MAP3K7: variants seen among roughly 807,000 people sequenced by gnomAD.
MAP3K7 encodes TGF-beta activated kinase 1.
Under a neutral mutation model 84.8 loss-of-function variants are expected in MAP3K7, and 21 were observed. That is an observed-to-expected ratio of 0.25 (90% CI 0.18 to 0.36). The LOEUF is 0.36. Among genes scored for constraint, MAP3K7 ranks in the 10% least tolerant of loss-of-function variants. The pLI, the probability that MAP3K7 is intolerant of heterozygous loss-of-function variation, is 1.00. For synonymous variants in MAP3K7, 241 were observed against 247.7 expected, an observed-to-expected ratio of 0.97 and a Z score of 0.25; for missense variants, 503 against 747.7, an observed-to-expected ratio of 0.67 and a Z score of 3.82.
chr6:90,533,759 T>C (rs957303346), intron 13 of MAP3K7, among the ~76,000 whole-genome samples: 1 of 152,172 alleles, frequency 6.6e-6, no homozygotes, highest in African/African-American at 2.4e-5. Flanking sequence ...AGTAACATGC[T>C]CTAGCTGTGA....
At chr6:90,533,149 A>G (rs1775560197) in intron 13 of MAP3K7, among the ~76,000 whole-genome samples, 1 of 152,222 alleles carries the variant, frequency 6.6e-6, no homozygotes, top group South Asian at 2.1e-4. Flanking sequence ...AATGTATACT[A>G]AGAGCCTATC....
chr6:90,585,053 T>A (rs1777397796), intron 1 of MAP3K7, among the ~76,000 whole-genome samples: 1 of 152,194 alleles, frequency 6.6e-6, no homozygotes, highest in Non-Finnish European at 1.5e-5. Flanking sequence ...TTTCCTAATA[T>A]GTGTCAGGCC....
In MAP3K7 at chr6:90,540,760, C is replaced by T. The variant is rs533951560; in HGVS notation, c.1291+3792G>A. Among the ~76,000 whole-genome samples the T allele has an allele frequency of 3.3e-5, 5 of 152,050 alleles. No homozygotes were observed. The South Asian group carries it at 8.3e-4, about 25-fold the overall frequency. On this transcript the variant is annotated intron_variant, in intron 12 of 16. Coordinates refer to ENST00000369329, the MANE Select transcript of MAP3K7 (RefSeq NM_145331.3). ...GATGCTACAAGCATGAAAAATAATT[C>T]GCTTTCTTAACTACTTATTCTCTTA...
At position 90,585,348 on chromosome 6, in the gene MAP3K7, C is replaced by T. The variant is rs528095060; in HGVS notation, c.120+1416G>A. On this transcript the variant is annotated intron_variant, in intron 1 of 16. Coordinates refer to ENST00000369329, the MANE Select transcript of MAP3K7 (RefSeq NM_145331.3). Reference sequence around the variant, plus strand: ...ATATATAATTCAGTAATCCATTACTCTTCCAAAACATGCACAGGAAAAAAA... The same window carrying T: ...ATATATAATTCAGTAATCCATTACTTTTCCAAAACATGCACAGGAAAAAAA... Among the ~76,000 whole-genome samples the T allele has an allele frequency of 5.9e-5, 9 of 152,286 alleles. No homozygotes were observed. The East Asian group carries it at 9.6e-4, about 16-fold the overall frequency.
chr6:90,579,130 T>C (rs1025188310), intron 1 of MAP3K7, among the ~76,000 whole-genome samples: 2 of 152,182 alleles, frequency 1.3e-5, no homozygotes, highest in Non-Finnish European at 1.5e-5. Flanking sequence ...CAGTGCCTGG[T>C]ACAGAGAAAA....
At chr6:90,548,460 C>A (rs770847584) in intron 9 of MAP3K7, among the ~76,000 whole-genome samples, 41 of 151,792 alleles carry the variant, frequency 2.7e-4, no homozygotes, top group Non-Finnish European at 4.7e-4. Context: ...AATTGAGATG[C>A]GGAAAGACTA....
At chr6:90,538,631 A>T (rs1361900552) in intron 12 of MAP3K7, among the ~76,000 whole-genome samples, 2 of 151,894 alleles carry the variant, frequency 1.3e-5, no homozygotes, top group African/African-American at 4.8e-5. Flanking sequence ...GCCAGTGCAT[A>T]CTAAATCTGC....
intron 3 of MAP3K7, among the ~76,000 whole-genome samples, chr6:90,566,804 T>C (rs1254171139): frequency 6.6e-6 from 1 of 152,164 alleles, no homozygotes; most frequent in African/African-American, 2.4e-5. Context: ...GCTACCTGAC[T>C]TCAAACTATA....
intron 12 of MAP3K7, 40 bp from the exon 13 acceptor site, chr6:90,536,441 T>C (rs1313383098): frequency 6.7e-7 from 1 of 1,489,300 alleles, no homozygotes; most frequent in Admixed American, 1.7e-5. Flanking sequence ...TAAAATCTAG[T>C]CAAACAGACA....
In MAP3K7 at chr6:90,521,762, CTAGATCCTCTCAGTATG is replaced by C. The variant is rs549603704; in HGVS notation, c.1462+1899_1462+1915del. 6.4e-4 allele frequency among the ~76,000 whole-genome samples: 97 copies of C among 152,186 alleles called. No individual in the cohort carries two copies. In the South Asian group the frequency reaches 9.5e-3, roughly 15 times the overall value. On this transcript the variant is annotated intron_variant, in intron 14 of 16. Coordinates refer to ENST00000369329, the MANE Select transcript of MAP3K7 (RefSeq NM_145331.3). ...CTACTGCGTCTAGATCTCTCTCTCA[CTAGATCCTCTCAGTATG>C]TGTGTCTTTTTGAATACCCATTATA...
chr6:90,540,461 A>C (rs1775819873), intron 12 of MAP3K7, among the ~76,000 whole-genome samples: 1 of 151,902 alleles, frequency 6.6e-6, no homozygotes, highest in Non-Finnish European at 1.5e-5. Flanking sequence ...GTAATTTAGA[A>C]AATTTTACTT....
intron 13 of MAP3K7, among the ~76,000 whole-genome samples, chr6:90,533,246 G>A (rs1775563540): frequency 6.6e-6 from 1 of 152,188 alleles, no homozygotes; most frequent in Non-Finnish European, 1.5e-5. Context: ...CTCTCCAAAT[G>A]AGGTCCTTGC....
intron 4 of MAP3K7, among the ~76,000 whole-genome samples, 191 bp from the exon 5 acceptor site, chr6:90,560,405 A>C (rs1776471579): frequency 6.6e-6 from 1 of 152,080 alleles, no homozygotes. Context: ...CTTTGTCGCC[A>C]GGCTGGAGTG....
At chr6:90,578,505 G>C (rs1331333579) in intron 1 of MAP3K7, among the ~76,000 whole-genome samples, 1 of 152,142 alleles carries the variant, frequency 6.6e-6, no homozygotes, top group African/African-American at 2.4e-5. Flanking sequence ...GAACTCCTGA[G>C]CTCAGGCGAT....
At chr6:90,554,169 G>A (rs1263526739) in intron 6 of MAP3K7, among the ~76,000 whole-genome samples, 1 of 152,084 alleles carries the variant, frequency 6.6e-6, no homozygotes, top group Non-Finnish European at 1.5e-5. Context: ...GGCCTCCCGA[G>A]GCGCTGGGAT....
chr6:90,539,221 T>C (rs1775775999), intron 12 of MAP3K7, among the ~76,000 whole-genome samples: 1 of 151,950 alleles, frequency 6.6e-6, no homozygotes, highest in African/African-American at 2.4e-5. Flanking sequence ...GGTGGTTTAT[T>C]TGCTTTCCAA....
At chr6:90,552,317 T>G (rs1349403157) in intron 7 of MAP3K7, 138 bp from the exon 8 acceptor site, 12 of 766,712 alleles carry the variant, frequency 1.6e-5, no homozygotes, top group Non-Finnish European at 2.4e-5. Context: ...GTAATAAAAG[T>G]GCTTTGTAAT....
rs573889754 is a variant in MAP3K7 at position 90,571,499 on chromosome 6, C to T, written c.231+198G>A. Among the ~76,000 whole-genome samples the T allele has an allele frequency of 2.3e-3, 348 of 152,130 alleles. 1 individual carries two copies. The highest frequency in any genetic ancestry group is 4.6e-3 in the South Asian group (22 of 4,824). Reference sequence around the variant, plus strand: ...TGAATTCATTTATGTAGTTAAGTCGCTTTTCCCCTAATTTTTAATCAGAAT... The same window carrying T: ...TGAATTCATTTATGTAGTTAAGTCGTTTTTCCCCTAATTTTTAATCAGAAT... On this transcript the variant is annotated intron_variant, in intron 2 of 16. Transcript: ENST00000369329.
At chr6:90,537,604 G>A (rs1234296803) in intron 12 of MAP3K7, among the ~76,000 whole-genome samples, 1 of 151,812 alleles carries the variant, frequency 6.6e-6, no homozygotes, top group Non-Finnish European at 1.5e-5. Context: ...TCCATTTTAA[G>A]CTACGTTTTA....
Sources: allele counts gnomAD v4.1 joint callset (sites outside exome capture counted in the v4.1 genomes callset), GRCh38; gene constraint gnomAD v4.1.1; transcripts MANE v1.5; gene names NCBI Gene and HGNC (gene_info 2026-07-23, HGNC 2026-07-21).